MAPK10: variants seen among roughly 807,000 people sequenced by gnomAD.
The protein encoded by MAPK10 is mitogen-activated protein kinase 10.
MAPK10 carries 25 observed loss-of-function variants against 59.3 expected under a neutral mutation model. That is an observed-to-expected ratio of 0.42 (90% CI 0.31 to 0.59). The LOEUF (loss-of-function observed/expected upper bound fraction) is 0.59, where lower values mean the gene tolerates loss of function less well. Ranked by LOEUF, MAPK10 falls within the 20% of genes least tolerant of loss-of-function variation. The pLI is 0.15. For missense variants in MAPK10, 351 were observed against 568.9 expected, an observed-to-expected ratio of 0.62 and a Z score of 3.90; for synonymous variants, 190 against 200.5, an observed-to-expected ratio of 0.95 and a Z score of 0.44.
intron 1 of MAPK10, among the ~76,000 whole-genome samples, chr4:86,422,017 G>A (rs1474145809): frequency 6.6e-6 from 1 of 152,150 alleles, no homozygotes; most frequent in East Asian, 1.9e-4. Context: ...CAATTCCTCA[G>A]AGAGGTACAT....
At position 86,017,042 on chromosome 4, in the gene MAPK10, C is replaced by G. The variant is rs1231783103; in HGVS notation, c.*186G>C. Reference sequence around the variant, plus strand: ...AAGTTAAATATACATTTGAGCTTAGCTGCAATACAGAACCCTGGGGAAGAA... The same window carrying G: ...AAGTTAAATATACATTTGAGCTTAGGTGCAATACAGAACCCTGGGGAAGAA... On this transcript the variant is annotated 3_prime_UTR_variant, in exon 14 of 14. Coordinates refer to ENST00000641462, the MANE Select transcript of MAPK10 (RefSeq NM_138982.4). The surrounding 1 kb of genome is among the most constrained non-coding windows in gnomAD (Gnocchi z 4.4). The G allele has an allele frequency of 8.4e-6, 5 of 594,764 alleles. No individual in the cohort carries two copies. The East Asian group carries it at 1.5e-4, about 18-fold the overall frequency. 36.8% of individuals were successfully genotyped at this position (594,764 alleles called of 1,614,324 possible).
intron 1 of MAPK10, among the ~76,000 whole-genome samples, chr4:86,533,168 A>G (rs1757964362): frequency 6.6e-6 from 1 of 152,240 alleles, no homozygotes; most frequent in South Asian, 2.1e-4. Flanking sequence ...AAGATACTGT[A>G]TGATTTCATT....
chr4:86,394,807 C>T (rs1742694164), intron 1 of MAPK10, among the ~76,000 whole-genome samples: 1 of 152,098 alleles, frequency 6.6e-6, no homozygotes, highest in Non-Finnish European at 1.5e-5. Flanking sequence ...CAAATCTTGG[C>T]TCATATAGGG....
At chr4:86,249,200 T>C (rs2093285845) in intron 2 of MAPK10, among the ~76,000 whole-genome samples, 1 of 152,130 alleles carries the variant, frequency 6.6e-6, no homozygotes, top group Admixed American at 6.6e-5. Context: ...TTCAGATGCA[T>C]ATAATGAAAC....
chr4:86,418,368 T>C (rs901139631), intron 1 of MAPK10, among the ~76,000 whole-genome samples: 1 of 152,200 alleles, frequency 6.6e-6, no homozygotes, highest in Non-Finnish European at 1.5e-5. Flanking sequence ...TTTTTTCCAG[T>C]GCCACAGAAG....
intron 1 of MAPK10, among the ~76,000 whole-genome samples, chr4:86,550,404 A>AC (rs1759681384): frequency 1.6e-5 from 2 of 125,300 alleles, no homozygotes; most frequent in Admixed American, 8.8e-5. Flanking sequence ...AAAAAAAAAA[A>AC]AAAAAAACTC....
intron 4 of MAPK10, among the ~76,000 whole-genome samples, chr4:86,135,484 T>A (rs1033679149): frequency 6.6e-5 from 10 of 151,992 alleles, no homozygotes; most frequent in African/African-American, 2.4e-4. Flanking sequence ...GTCCTGTCTG[T>A]TAGAAGGAAA....
intron 2 of MAPK10, chr4:86,327,433 A>AT (rs1212626159): frequency 2.0e-5 from 3 of 151,586 alleles, no homozygotes; most frequent in Non-Finnish European, 4.4e-5. Context: ...AAAAATATGA[A>AT]TTTTTTCTTC....
In MAPK10 at chr4:86,044,204, G is replaced by A. The variant is rs187389220; in HGVS notation, c.1111-12773C>T. 3.2e-4 allele frequency among the ~76,000 whole-genome samples: 48 copies of A among 152,226 alleles called. No homozygotes were observed. The East Asian group carries it at 8.5e-3, about 27-fold the overall frequency. Reference sequence around the variant, plus strand: ...TTGTGATGCTGCCACCTTGTGGCAAGAAAAAATGAAAACATTAAGAGGTGC... The same window carrying A: ...TTGTGATGCTGCCACCTTGTGGCAAAAAAAAATGAAAACATTAAGAGGTGC... On this transcript the variant is annotated intron_variant, in intron 11 of 13. Transcript: ENST00000641462.
intron 1 of MAPK10, among the ~76,000 whole-genome samples, chr4:86,440,694 G>A (rs937005975): frequency 6.6e-6 from 1 of 151,626 alleles, no homozygotes. Flanking sequence ...AATAGAATAT[G>A]TCCATACAGT....
intron 2 of MAPK10, among the ~76,000 whole-genome samples, chr4:86,197,807 C>T (rs1474410484): frequency 6.6e-6 from 1 of 152,058 alleles, no homozygotes; most frequent in Non-Finnish European, 1.5e-5. Context: ...GAACAAGTGG[C>T]TGTTTGCCTA....
intron 2 of MAPK10, among the ~76,000 whole-genome samples, chr4:86,214,394 GA>G (rs931824461): frequency 6.7e-6 from 1 of 149,558 alleles, no homozygotes; most frequent in Non-Finnish European, 1.5e-5. Flanking sequence ...AGCAATTAGG[GA>G]AAAAAACAGG....
At chr4:86,514,953 C>A (rs1045466605) in intron 1 of MAPK10, among the ~76,000 whole-genome samples, 3 of 152,162 alleles carry the variant, frequency 2.0e-5, no homozygotes, top group African/African-American at 7.2e-5. Context: ...ATCACCTGAG[C>A]AGTGTACACT....
chr4:86,559,155 T>G (rs1041425086), intron 1 of MAPK10, among the ~76,000 whole-genome samples: 14 of 152,132 alleles, frequency 9.2e-5, no homozygotes, highest in Non-Finnish European at 2.9e-5. Context: ...ATAATATACA[T>G]TATTTTTCCT....
chr4:86,460,465 G>T lies in MAPK10; in HGVS notation c.-262-105821C>A, dbSNP rs147962463. 1.5e-3 allele frequency among the ~76,000 whole-genome samples: 232 copies of T among 152,248 alleles called. 4 individuals carry two copies. Among genetic ancestry groups the T allele is most frequent in the African/African-American group, 5.4e-3 (223 of 41,544 alleles). Reference sequence around the variant, plus strand: ...ACTGGATATGTGACAGAGATCACCCGTCACATGTAAAAATCAGAAGAAAAA... The same window carrying T: ...ACTGGATATGTGACAGAGATCACCCTTCACATGTAAAAATCAGAAGAAAAA... On this transcript the variant is annotated intron_variant, in intron 1 of 4. Transcript: ENST00000502302.
At chr4:86,549,247 A>C (rs1001674531) in intron 1 of MAPK10, among the ~76,000 whole-genome samples, 1 of 152,224 alleles carries the variant, frequency 6.6e-6, no homozygotes, top group African/African-American at 2.4e-5. Context: ...AAGGACAGGG[A>C]TATATCCTTC....
At chr4:86,210,965 TC>T (rs1226000860) in intron 2 of MAPK10, among the ~76,000 whole-genome samples, 2 of 150,914 alleles carry the variant, frequency 1.3e-5, no homozygotes, top group Non-Finnish European at 3.0e-5. Context: ...TGAGACAAAC[TC>T]CAAGGAAGAT....
chr4:86,572,287 C>A (rs1049293129), intron 1 of MAPK10, among the ~76,000 whole-genome samples: 1 of 152,134 alleles, frequency 6.6e-6, no homozygotes, highest in Admixed American at 6.6e-5. Context: ...GAAAGGATAT[C>A]ATAGGATTCC....
chr4:86,201,789 T>C (rs1179194016), intron 2 of MAPK10, among the ~76,000 whole-genome samples: 1 of 151,858 alleles, frequency 6.6e-6, no homozygotes, highest in Non-Finnish European at 1.5e-5. Context: ...TCCTATATAT[T>C]CTTTGTGAAG....
Sources: allele counts gnomAD v4.1 joint callset (sites outside exome capture counted in the v4.1 genomes callset), GRCh38; gene constraint gnomAD v4.1.1; non-coding constraint Gnocchi (gnomAD v3.1); transcripts MANE v1.5; gene names NCBI Gene and HGNC (gene_info 2026-07-23, HGNC 2026-07-21).